Variants in PTPRT observed in about 807,000 individuals in gnomAD.
The protein encoded by PTPRT is receptor-type tyrosine-protein phosphatase T.
In PTPRT, 56 loss-of-function variants were observed where a neutral mutation model predicts 176.8. That is an observed-to-expected ratio of 0.32 (90% confidence interval 0.26 to 0.40). PTPRT has a LOEUF of 0.40. Ranked by LOEUF, PTPRT falls within the 10% of genes least tolerant of loss-of-function variation. PTPRT has a pLI of 1.00. For synonymous variants in PTPRT, 783 were observed against 739.0 expected (o/e 1.06, Z -0.96); for missense variants, 1,540 against 1,908.2 (o/e 0.81, Z 3.60).
intron 9 of PTPRT, among the ~76,000 whole-genome samples, chr20:42,377,794 G>T (rs1429867181): frequency 6.6e-6 from 1 of 152,142 alleles, no homozygotes; most frequent in Non-Finnish European, 1.5e-5. Flanking sequence ...TGGCTTTGGA[G>T]GACAGAAAAG....
At chr20:42,223,772 C>T (rs2055940593) in intron 15 of PTPRT, among the ~76,000 whole-genome samples, 1 of 152,058 alleles carries the variant, frequency 6.6e-6, no homozygotes, top group Admixed American at 6.5e-5. Context: ...GGTAGATTCC[C>T]AAATCAAAAT....
intron 16 of PTPRT, among the ~76,000 whole-genome samples, chr20:42,177,789 T>A (rs565986367): frequency 1.3e-5 from 2 of 152,216 alleles, no homozygotes; most frequent in South Asian, 4.2e-4. Context: ...TTTGACCCAA[T>A]TCCTTATTGG....
intron 7 of PTPRT, among the ~76,000 whole-genome samples, chr20:42,581,240 T>C (rs2073365160): frequency 6.6e-6 from 1 of 152,192 alleles, no homozygotes; most frequent in Admixed American, 6.5e-5. Context: ...TATCACTTCC[T>C]CAATGAGGCC....
the PTPRT span, among the ~76,000 whole-genome samples, chr20:42,040,215 T>G: frequency 6.6e-6 from 1 of 152,196 alleles, no homozygotes; most frequent in Non-Finnish European, 1.5e-5. Flanking sequence ...TTAAAGGGGA[T>G]GATGCCACAG....
rs1222479175 is a variant in PTPRT, at chr20:42,085,896, G to C, written c.3847-43C>G. On this transcript the variant is annotated intron_variant, in intron 27 of 30. Transcript: ENST00000373187. ...GTCACAGAAGGAGCTCAAAGGCAGG[G>C]GGCGGGTATCAAAGTCTCATTTATC... The C allele has an allele frequency of 1.9e-6, 3 of 1,555,132 alleles. No homozygotes were observed. In the African/African-American group the frequency reaches 4.1e-5, roughly 21 times the overall value.
At chr20:42,584,726 G>A (rs1448350155) in intron 7 of PTPRT, among the ~76,000 whole-genome samples, 2 of 152,134 alleles carry the variant, frequency 1.3e-5, no homozygotes, top group African/African-American at 2.4e-5. Context: ...AAACAGAAAC[G>A]TTGTCTGCTT....
chr20:42,205,408 A>C (rs1055986805), intron 15 of PTPRT, among the ~76,000 whole-genome samples: 5 of 152,198 alleles, frequency 3.3e-5, no homozygotes, highest in Non-Finnish European at 2.9e-5. Flanking sequence ...GTTAGAAGGA[A>C]GGAGATGATG....
At chr20:43,082,092 T>C (rs191258054) in intron 1 of PTPRT, among the ~76,000 whole-genome samples, 15 of 152,316 alleles carry the variant, frequency 9.8e-5, no homozygotes, top group African/African-American at 3.6e-4. Context: ...TGTGGTTATT[T>C]TCCTAGAATG....
At chr20:42,554,326 G>A (rs1270863680) in intron 7 of PTPRT, among the ~76,000 whole-genome samples, 2 of 151,960 alleles carry the variant, frequency 1.3e-5, no homozygotes, top group Admixed American at 6.6e-5. Context: ...CTTAAGCTTC[G>A]TGCATTAATG....
intron 12 of PTPRT, among the ~76,000 whole-genome samples, chr20:42,284,629 T>C (rs1055110678): frequency 6.6e-6 from 1 of 152,020 alleles, no homozygotes; most frequent in South Asian, 2.1e-4. Context: ...TGCTTATGAA[T>C]TGAGCTTGAG....
intron 27 of PTPRT, among the ~76,000 whole-genome samples, chr20:42,088,782 A>G (rs1600478908): frequency 6.6e-6 from 1 of 152,350 alleles, no homozygotes; most frequent in South Asian, 2.1e-4. Flanking sequence ...GGCTCTTTAC[A>G]GAAAAAGTTT....
At chr20:42,271,430 A>C (rs1161413377) in intron 13 of PTPRT, among the ~76,000 whole-genome samples, 1 of 152,142 alleles carries the variant, frequency 6.6e-6, no homozygotes, top group African/African-American at 2.4e-5. Context: ...GTCTTCCCAT[A>C]ACACCCTCAT....
At chr20:42,925,692 C>T (rs565155174) in intron 1 of PTPRT, among the ~76,000 whole-genome samples, 4 of 151,496 alleles carry the variant, frequency 2.6e-5, no homozygotes, top group Non-Finnish European at 4.4e-5. Flanking sequence ...ATTGCCAGGC[C>T]CTGCCCCCTT....
At chr20:42,404,184 T>C (rs1207305574) in intron 9 of PTPRT, among the ~76,000 whole-genome samples, 1 of 152,130 alleles carries the variant, frequency 6.6e-6, no homozygotes, top group Non-Finnish European at 1.5e-5. Context: ...TATGTTTGAG[T>C]TCTCACCAAT....
At chr20:42,384,134 A>G (rs537610078) in intron 9 of PTPRT, among the ~76,000 whole-genome samples, 1 of 152,340 alleles carries the variant, frequency 6.6e-6, no homozygotes, top group Admixed American at 6.5e-5. Context: ...ATGTGGACTC[A>G]TCCATCAAAT....
intron 11 of PTPRT, among the ~76,000 whole-genome samples, chr20:42,322,868 AG>A (rs1225065426): frequency 6.6e-6 from 1 of 152,140 alleles, no homozygotes; most frequent in African/African-American, 2.4e-5. Context: ...CATCTGACAA[AG>A]GGCTAATATC....
chr20:42,363,297 TA>T (rs1220948380), intron 9 of PTPRT, among the ~76,000 whole-genome samples: 40 of 27,064 alleles, frequency 1.5e-3, no homozygotes, highest in African/African-American at 6.5e-3. Flanking sequence ...TATATATATA[TA>T]TATTTTTTTT....
chr20:42,873,810 T>C (rs570001780), intron 2 of PTPRT, among the ~76,000 whole-genome samples: 1 of 152,358 alleles, frequency 6.6e-6, no homozygotes, highest in African/African-American at 2.4e-5. Flanking sequence ...CTCAATGGAT[T>C]ACTGGATTTT....
At chr20:42,352,949 A>C (rs2058307546) in intron 9 of PTPRT, among the ~76,000 whole-genome samples, 2 of 152,266 alleles carry the variant, frequency 1.3e-5, no homozygotes, top group East Asian at 3.8e-4. Flanking sequence ...AGTAAAAAAA[A>C]AAGAAACTAA....
Sources: gnomAD v4.1 joint callset for allele counts (sites outside exome capture counted in the v4.1 genomes callset) on GRCh38, gnomAD v4.1.1 for gene constraint, MANE v1.5 for transcripts, NCBI Gene and HGNC (gene_info 2026-07-23, HGNC 2026-07-21) for gene names.